Variants in PACRGL observed in about 807,000 individuals in gnomAD.
PACRGL encodes the protein parkin coregulated like.
PACRGL carries 38 observed loss-of-function variants against 34.5 expected under a neutral mutation model. The observed-to-expected ratio is 1.10, with a 90% CI of 0.85 to 1.44. PACRGL has a LOEUF of 1.44. Ranked by LOEUF, PACRGL falls within the 40% of genes most tolerant of loss-of-function variation. The probability of loss-of-function intolerance (pLI) is 0.00; values close to 1 mark genes in which losing one functional copy is unlikely to be tolerated. For synonymous variants in PACRGL, 128 were observed against 100.1 expected (o/e 1.28, Z -1.66); for missense variants, 305 against 281.4 (o/e 1.08, Z -0.60).
At chr4:20,705,389 G>A (rs139334449) in intron 3 of PACRGL, among the ~76,000 whole-genome samples, 89 of 152,262 alleles carry the variant, frequency 5.8e-4, no homozygotes, top group African/African-American at 2.0e-3. Flanking sequence ...TTCAGCCTTC[G>A]AAGGGGATTG....
At position 20,704,373 on chromosome 4, in the gene PACRGL, A is replaced by G. The variant is rs974139954; in HGVS notation, c.-16-93A>G. The G allele has an allele frequency of 2.6e-6, 3 of 1,161,942 alleles. No homozygotes were observed. In the African/African-American group the frequency reaches 4.7e-5, roughly 18 times the overall value. 72.0% of individuals were successfully genotyped at this position (1,161,942 alleles called of 1,614,324 possible). A position where few individuals can be genotyped will look rare whatever the true frequency, so the allele number is the denominator to read the frequency against. Reference sequence around the variant, plus strand: ...AACTTTTTTGTGTGTCTTTTACTGTATTGTATACTCTGTTCTGGTTTTGTC... The same window carrying G: ...AACTTTTTTGTGTGTCTTTTACTGTGTTGTATACTCTGTTCTGGTTTTGTC... On this transcript the variant is annotated intron_variant, in intron 1 of 8. Transcript: ENST00000503585.
chr4:20,756,592 G>A (rs375383320), downstream of PACRGL, among the ~76,000 whole-genome samples: 4 of 151,852 alleles, frequency 2.6e-5, no homozygotes, highest in African/African-American at 4.8e-5. Flanking sequence ...ATTGGTTGTC[G>A]CTGTTTTCTT....
chr4:20,707,824 C>T lies in PACRGL; in HGVS notation c.229C>T (p.Pro77Ser). 1 of 1,613,682 alleles carries T rather than the reference C, an allele frequency of 6.2e-7. No homozygotes were observed. Among genetic ancestry groups the T allele is most frequent in the Non-Finnish European group, 8.5e-7 (1 of 1,179,688 alleles). ...TTAGTTTGGTGAACAGTCACGAGTG[C>T]CTTCTGCATTTGCAGCTATTTACTC... ...INPFGEQSRV[P>S]SAFAAIYSKG... Residue 77 changes from proline (P) to serine (S), a missense_variant, in exon 4 of 9, where the codon CCT becomes TCT. By Grantham distance (74) the Pro-to-Ser change is moderately conservative. Coordinates refer to ENST00000503585, the MANE Select transcript of PACRGL (RefSeq NM_001258345.3).
At position 20,727,440 on chromosome 4, in the gene PACRGL, C is replaced by T. The variant is rs997088343; in HGVS notation, c.*99C>T. ...TTATTCTTTTGTAAATCACAGCCACCATTCATTATTTACTAGGTTAAGATG... is the reference window on the plus strand; with the variant it reads ...TTATTCTTTTGTAAATCACAGCCACTATTCATTATTTACTAGGTTAAGATG... On this transcript the variant is annotated 3_prime_UTR_variant, in exon 9 of 9. Coordinates refer to ENST00000503585, the MANE Select transcript of PACRGL (RefSeq NM_001258345.3). The T allele has an allele frequency of 7.1e-6, 7 of 992,840 alleles. No individual in the cohort carries two copies. The highest frequency in any genetic ancestry group is 1.1e-5 in the Non-Finnish European group (7 of 646,470). The allele number at this position is 992,840 out of a possible 1,614,324, so 61.5% of individuals were successfully genotyped here.
Position 20,724,893 on chromosome 4 carries a change from G to A in PACRGL, c.690+5G>A. The A allele has an allele frequency of 1.4e-6, 2 of 1,441,580 alleles. No individual in the cohort carries two copies. Among genetic ancestry groups the A allele is most frequent in the Non-Finnish European group, 1.8e-6 (2 of 1,101,256 alleles). 89.3% of individuals were successfully genotyped at this position (1,441,580 alleles called of 1,614,324 possible). A position where few individuals can be genotyped will look rare whatever the true frequency, so the allele number is the denominator to read the frequency against. ...CTAGAGCAACATGGTGGAAGTGTAAGTAGAATATTATTCCTTAAGTCTTTT... is the reference window on the plus strand; with the variant it reads ...CTAGAGCAACATGGTGGAAGTGTAAATAGAATATTATTCCTTAAGTCTTTT... On this transcript the variant is annotated splice_donor_5th_base_variant and intron_variant, in intron 8 of 8. Coordinates refer to ENST00000503585, the MANE Select transcript of PACRGL (RefSeq NM_001258345.3).
At chr4:20,716,996 T>C (rs185974957) in intron 7 of PACRGL, among the ~76,000 whole-genome samples, 2,585 of 152,304 alleles carry the variant, frequency 0.017, 77 homozygotes, top group African/African-American at 0.059. Flanking sequence ...CCAGCACCTG[T>C]TGTTTCCTGA....
At chr4:20,744,117 A>T (rs984478512) in intron 8 of PACRGL, among the ~76,000 whole-genome samples, 1 of 152,134 alleles carries the variant, frequency 6.6e-6, no homozygotes, top group African/African-American at 2.4e-5. Flanking sequence ...GAAACAACAG[A>T]TGCTGGAGAG....
intron 8 of PACRGL, among the ~76,000 whole-genome samples, chr4:20,744,128 G>T (rs1348934765): frequency 6.6e-6 from 1 of 152,008 alleles, no homozygotes; most frequent in Non-Finnish European, 1.5e-5. Flanking sequence ...TGCTGGAGAG[G>T]ATGTGGAGAA....
At chr4:20,715,190 G>T (rs559792010) in intron 7 of PACRGL, among the ~76,000 whole-genome samples, 101 of 152,132 alleles carry the variant, frequency 6.6e-4, no homozygotes, top group African/African-American at 2.3e-3. Flanking sequence ...ACCAAACACC[G>T]CATGTTCTCA....
intron 8 of PACRGL, among the ~76,000 whole-genome samples, chr4:20,738,570 A>T (rs1578445914): frequency 6.6e-6 from 1 of 152,316 alleles, no homozygotes; most frequent in East Asian, 1.9e-4. Context: ...TCACCACCAC[A>T]CAAAACAGCA....
At chr4:20,734,702 C>G, downstream of PACRGL, 1 of 1,593,322 alleles carries the variant, frequency 6.3e-7, no homozygotes, top group Non-Finnish European at 8.5e-7. Flanking sequence ...TGTACTGTCC[C>G]CCGGAGCAAA....
intron 1 of PACRGL, among the ~76,000 whole-genome samples, chr4:20,703,178 T>C (rs1732967989): frequency 1.3e-5 from 2 of 152,160 alleles, no homozygotes; most frequent in Non-Finnish European, 2.9e-5. Flanking sequence ...TGCCATCAAA[T>C]ATTTGAAAAA....
chr4:20,704,436 GA>G (rs1481271515), intron 1 of PACRGL, 29 bp from the exon 2 acceptor site: 1 of 1,598,468 alleles, frequency 6.3e-7, no homozygotes, highest in Non-Finnish European at 8.5e-7. Context: ...AACAAATTTT[GA>G]AATCAACTTT....
rs746595807 is a variant in PACRGL, at chr4:20,731,643, T to C, written c.*4302T>C. The C allele has an allele frequency of 6.1e-6, 6 of 985,178 alleles. No homozygotes were observed. Among genetic ancestry groups the C allele is most frequent in the Admixed American group, 6.2e-5 (1 of 16,254 alleles). The allele number at this position is 985,178 out of a possible 1,614,324, so 61.0% of individuals were successfully genotyped here. A position where few individuals can be genotyped will look rare whatever the true frequency, so the allele number is the denominator to read the frequency against. ...ATACTTGGCTATCTAGGAATTCTAA[T>C]GCTGTGGAGATATGATAGATAATAT... is the stretch of plus-strand genomic sequence containing the variant. On this transcript the variant is annotated 3_prime_UTR_variant, in exon 9 of 9. Coordinates refer to ENST00000503585, the MANE Select transcript of PACRGL (RefSeq NM_001258345.3).
Position 20,730,437 on chromosome 4 carries a change from G to A in PACRGL, c.*3096G>A, listed in dbSNP as rs1443478115. Among the ~76,000 whole-genome samples, 1 of 152,078 alleles carries A rather than the reference G, an allele frequency of 6.6e-6. No homozygotes were observed. Among genetic ancestry groups the A allele is most frequent in the African/African-American group, 2.4e-5 (1 of 41,408 alleles). The stretch of plus-strand genomic sequence containing the variant: ...ATAATGCCAAAATGGAAACTACAGA[G>A]GTGCAGAGGTGTGTCAAAGCAAATG... On this transcript the variant is annotated 3_prime_UTR_variant, in exon 9 of 9. Coordinates refer to ENST00000503585, the MANE Select transcript of PACRGL (RefSeq NM_001258345.3).
At chr4:20,755,104 T>C (rs1379700707), downstream of PACRGL, among the ~76,000 whole-genome samples, 1 of 152,136 alleles carries the variant, frequency 6.6e-6, no homozygotes, top group Non-Finnish European at 1.5e-5. Context: ...TGTCTGTGGT[T>C]TGTTAGAAGG....
chr4:20,744,201 T>G (rs1331665792), intron 8 of PACRGL, among the ~76,000 whole-genome samples: 1 of 150,900 alleles, frequency 6.6e-6, no homozygotes, highest in African/African-American at 2.4e-5. Flanking sequence ...GGAAGACTGG[T>G]GACTCCTCAA....
chr4:20,716,794 A>T (rs930368738), intron 7 of PACRGL, among the ~76,000 whole-genome samples: 16 of 152,198 alleles, frequency 1.1e-4, no homozygotes, highest in Non-Finnish European at 1.6e-4. Context: ...CAATAAACAT[A>T]CATGTGCATG....
chr4:20,721,287 G>A (rs762892173), intron 7 of PACRGL, among the ~76,000 whole-genome samples: 26 of 151,904 alleles, frequency 1.7e-4, no homozygotes, highest in Non-Finnish European at 2.6e-4. Context: ...CCTTTTGCTC[G>A]CAAAAGTTTG....
Sources: allele counts gnomAD v4.1 joint callset (sites outside exome capture counted in the v4.1 genomes callset), GRCh38; gene constraint gnomAD v4.1.1; transcripts MANE v1.5; gene names NCBI Gene and HGNC (gene_info 2026-07-23, HGNC 2026-07-21).